The following CSMD1 variants were observed in gnomAD, a reference collection of about 807,000 sequenced individuals.
CSMD1 encodes CUB and Sushi multiple domains 1.
In CSMD1, 213 loss-of-function variants were observed where a neutral mutation model predicts 417.5. The observed-to-expected ratio is 0.51, with a 90% CI of 0.46 to 0.57. The LOEUF is 0.57. CSMD1 is among the 20% of genes least tolerant of loss of function. CSMD1 has a pLI of 0.00. For synonymous variants in CSMD1, 2,862 were observed against 1,736.8 expected, an observed-to-expected ratio of 1.65 and a Z score of -16.11; for missense variants, 6,923 against 4,529.7, an observed-to-expected ratio of 1.53 and a Z score of -15.17.
chr8:3,951,934 A>G (rs1811625687), intron 5 of CSMD1, among the ~76,000 whole-genome samples: 1 of 152,122 alleles, frequency 6.6e-6, no homozygotes, highest in African/African-American at 2.4e-5. Context: ...AAAAAAAAAT[A>G]GATATCGAAT....
chr8:2,960,052 A>T (rs539704133), intron 62 of CSMD1, among the ~76,000 whole-genome samples: 2 of 152,362 alleles, frequency 1.3e-5, no homozygotes, highest in Non-Finnish European at 2.9e-5. Context: ...ACTTTTAATT[A>T]CTGTAAGTTG....
intron 3 of CSMD1, among the ~76,000 whole-genome samples, chr8:4,104,591 G>A (rs569439884): frequency 6.9e-6 from 1 of 145,882 alleles, no homozygotes; most frequent in African/African-American, 2.5e-5. Flanking sequence ...ATTAATAATT[G>A]CATGAGAACG....
chr8:3,526,334 A>G (rs1797753133), intron 10 of CSMD1, among the ~76,000 whole-genome samples: 1 of 152,052 alleles, frequency 6.6e-6, no homozygotes, highest in African/African-American at 2.4e-5. Context: ...TTTTGTGGAA[A>G]TTGGACACTC....
chr8:3,709,199 T>C (rs1026191810), intron 6 of CSMD1, among the ~76,000 whole-genome samples: 7 of 151,100 alleles, frequency 4.6e-5, no homozygotes, highest in Non-Finnish European at 8.8e-5. Context: ...GGGATGCATC[T>C]TGTGATTATA....
chr8:3,346,105 G>C (rs916985713), intron 22 of CSMD1, among the ~76,000 whole-genome samples: 8 of 152,140 alleles, frequency 5.3e-5, no homozygotes, highest in Non-Finnish European at 1.0e-4. Flanking sequence ...ATTTTTAACA[G>C]AGATATTTTT....
chr8:4,198,985 T>C (rs566592205), intron 3 of CSMD1, among the ~76,000 whole-genome samples: 3 of 152,280 alleles, frequency 2.0e-5, no homozygotes, highest in South Asian at 2.1e-4. Flanking sequence ...CATTTCCTCC[T>C]GTAATCCTTT....
chr8:4,957,000 C>G (rs181841934), intron 1 of CSMD1, among the ~76,000 whole-genome samples: 1 of 152,248 alleles, frequency 6.6e-6, no homozygotes, highest in Non-Finnish European at 1.5e-5. Flanking sequence ...TCTGCTGAAG[C>G]AGAATCCTAA....
chr8:4,860,829 C>T (rs886419070), intron 1 of CSMD1, among the ~76,000 whole-genome samples: 2 of 152,138 alleles, frequency 1.3e-5, no homozygotes, highest in Non-Finnish European at 2.9e-5. Flanking sequence ...GTGTCCCCAA[C>T]ACAGCATAAT....
Position 3,180,408 on chromosome 8 carries a change from A to G in CSMD1, c.5725+702T>C, listed in dbSNP as rs138811197. On this transcript the variant is annotated intron_variant, in intron 37 of 69. Transcript: ENST00000635120. ...ACTGCCTTTGAGACTAGAAACAGAA[A>G]AGGCTTATGACCATAATCTAGGCAG... 3.4e-3 allele frequency among the ~76,000 whole-genome samples: 515 copies of G among 152,314 alleles called. 2 individuals are homozygous for G. The highest frequency in any genetic ancestry group is 0.012 in the African/African-American group (499 of 41,576).
At chr8:3,578,056 A>G (rs1311146385) in intron 9 of CSMD1, among the ~76,000 whole-genome samples, 1 of 152,178 alleles carries the variant, frequency 6.6e-6, no homozygotes, top group Non-Finnish European at 1.5e-5. Context: ...AGGAAAGCTT[A>G]CATTAATTTC....
intron 6 of CSMD1, among the ~76,000 whole-genome samples, chr8:3,730,495 C>G (rs555681263): frequency 1.4e-4 from 21 of 151,658 alleles, no homozygotes; most frequent in Admixed American, 4.0e-4. Context: ...CCTTAATTGA[C>G]TGATGCTGAT....
chr8:3,630,308 A>C (rs1188062869), intron 7 of CSMD1, among the ~76,000 whole-genome samples: 2 of 152,192 alleles, frequency 1.3e-5, no homozygotes, highest in Non-Finnish European at 2.9e-5. Context: ...GATGGGCAGG[A>C]ATTACCTAAG....
In CSMD1 at chr8:3,308,342, C is replaced by G. The variant is rs759214971; in HGVS notation, c.3793G>C (p.Val1265Leu). Residue 1265 changes from valine (V) to leucine (L), a missense_variant, in exon 24 of 70, where the codon GTG (valine) becomes CTG (leucine). Val to Leu is a conservative substitution (Grantham distance 32). Transcript: ENST00000635120. ...TLTCLSGDRR[V>L]WDKPLPSCIA... ...CACGAAGGTAGTGGTTTGTCCCACA[C>G]TCTCCTGTCTCCACTCAAACAGGTC... The G allele has an allele frequency of 2.5e-6, 4 of 1,612,848 alleles. No individual in the cohort carries two copies.
chr8:3,173,403 G>C (rs1483426978), intron 37 of CSMD1, among the ~76,000 whole-genome samples: 2 of 152,186 alleles, frequency 1.3e-5, no homozygotes, highest in African/African-American at 4.8e-5. Flanking sequence ...GTAGGGATGA[G>C]AGAGACATGA....
intron 18 of CSMD1, among the ~76,000 whole-genome samples, chr8:3,384,551 T>G: frequency 6.6e-6 from 1 of 150,608 alleles, no homozygotes; most frequent in East Asian, 1.9e-4. Context: ...AGTCCTTCCT[T>G]ATTATTCTCA....
chr8:3,007,922 A>T (rs1808076199), intron 52 of CSMD1, among the ~76,000 whole-genome samples: 1 of 151,654 alleles, frequency 6.6e-6, no homozygotes, highest in African/African-American at 2.4e-5. Flanking sequence ...AAAGTATAAT[A>T]ATAAAAGAAA....
chr8:4,454,833 AG>A (rs1585104613), intron 2 of CSMD1, among the ~76,000 whole-genome samples: 3 of 152,224 alleles, frequency 2.0e-5, no homozygotes, highest in African/African-American at 7.2e-5. Flanking sequence ...AGAAGAGCAA[AG>A]GTTTTTTTCC....
At chr8:3,440,538 G>C (rs1348027477) in intron 12 of CSMD1, among the ~76,000 whole-genome samples, 1 of 152,152 alleles carries the variant, frequency 6.6e-6, no homozygotes. Flanking sequence ...GGCTCTAAGA[G>C]TTTATCTGTG....
chr8:4,547,493 C>G (rs760388016), intron 2 of CSMD1, among the ~76,000 whole-genome samples: 3 of 152,144 alleles, frequency 2.0e-5, no homozygotes, highest in Admixed American at 1.3e-4. Context: ...CATTTCTGGC[C>G]TCTTTTTTTC....
Sources: gnomAD v4.1 joint callset for allele counts (sites outside exome capture counted in the v4.1 genomes callset) on GRCh38, gnomAD v4.1.1 for gene constraint, MANE v1.5 for transcripts, NCBI Gene and HGNC (gene_info 2026-07-23, HGNC 2026-07-21) for gene names.